HS3ST3B1: variants seen among roughly 807,000 people sequenced by gnomAD.
HS3ST3B1 encodes the protein heparan sulfate glucosamine 3-O-sulfotransferase 3B1.
A neutral mutation model predicts 21.3 loss-of-function variants in HS3ST3B1; 13 were observed. That is an observed-to-expected ratio of 0.61 (90% CI 0.40 to 0.97). The LOEUF is 0.97. Ranked by LOEUF, HS3ST3B1 falls within the 50% of genes least tolerant of loss-of-function variation. The pLI is 0.00. For missense variants in HS3ST3B1, 459 were observed against 554.8 expected, an observed-to-expected ratio of 0.83 and a Z score of 1.73; for synonymous variants, 234 against 254.8, an observed-to-expected ratio of 0.92 and a Z score of 0.78.
rs145583627 is a variant in HS3ST3B1 at position 14,339,306 on chromosome 17, C to T, written c.555-5722C>T. On this transcript the variant is annotated intron_variant, in intron 1 of 1. Coordinates refer to ENST00000360954, the MANE Select transcript of HS3ST3B1 (RefSeq NM_006041.3). ...AGAGCCTTATTGTTTCGAAATTGGA[C>T]GCCTATTTGAACAATTATGATCGGC... Among the ~76,000 whole-genome samples, 282 of 152,164 alleles carry T rather than the reference C, an allele frequency of 1.9e-3. 1 individual carries two copies. Among genetic ancestry groups the T allele is most frequent in the Non-Finnish European group, 3.0e-3 (201 of 68,004 alleles).
Position 14,302,103 on chromosome 17 carries a change from A to G in HS3ST3B1, c.554+31A>G, listed in dbSNP as rs775344239. On this transcript the variant is annotated intron_variant, in intron 1 of 1. Coordinates refer to ENST00000360954, the MANE Select transcript of HS3ST3B1 (RefSeq NM_006041.3). ...TTTCCCTGCCAGGGGCAGGGTCTCCATCGTCGATTCAGACCCTGAGCTAAG... is the reference window on the plus strand; with the variant it reads ...TTTCCCTGCCAGGGGCAGGGTCTCCGTCGTCGATTCAGACCCTGAGCTAAG... 7 of 1,565,530 alleles carry G rather than the reference A, an allele frequency of 4.5e-6. No individual in the cohort carries two copies. In the African/African-American group the frequency reaches 9.4e-5, roughly 21 times the overall value.
At chr17:14,313,128 GTGTGTGTATATATATATTT>G in intron 1 of HS3ST3B1, among the ~76,000 whole-genome samples, 2 of 54,396 alleles carry the variant, frequency 3.7e-5, no homozygotes, top group South Asian at 1.9e-3. Flanking sequence ...ATATATGTGT[GTGTGTGTATATATATATTT>G]TTAGTAGAGA....
intron 1 of HS3ST3B1, among the ~76,000 whole-genome samples, chr17:14,336,435 G>C (rs546085539): frequency 6.6e-6 from 1 of 152,254 alleles, no homozygotes; most frequent in East Asian, 1.9e-4. Context: ...GAACTGCTCT[G>C]GTTCATTTTA....
chr17:14,342,966 G>A (rs1029815542), intron 1 of HS3ST3B1, among the ~76,000 whole-genome samples: 9 of 152,088 alleles, frequency 5.9e-5, no homozygotes, highest in Non-Finnish European at 7.4e-5. Flanking sequence ...ATCAATGGCC[G>A]GGAGCAGTGG....
intron 1 of HS3ST3B1, among the ~76,000 whole-genome samples, chr17:14,331,310 A>G (rs1439815959): frequency 7.8e-6 from 1 of 127,974 alleles, no homozygotes; most frequent in Non-Finnish European, 1.7e-5. Flanking sequence ...CCCCACCCCC[A>G]GCCCCTTCCA....
At chr17:14,341,056 G>C (rs1421761528) in intron 1 of HS3ST3B1, among the ~76,000 whole-genome samples, 3 of 152,210 alleles carry the variant, frequency 2.0e-5, no homozygotes, top group Admixed American at 1.3e-4. Flanking sequence ...CCTCATATGG[G>C]TTGTGGGACC....
intron 1 of HS3ST3B1, among the ~76,000 whole-genome samples, chr17:14,319,587 A>G (rs991665548): frequency 6.6e-6 from 1 of 152,172 alleles, no homozygotes; most frequent in African/African-American, 2.4e-5. Flanking sequence ...CATTTCACAA[A>G]TATCACTGGG....
Position 14,315,027 on chromosome 17 carries a change from A to G in HS3ST3B1, c.554+12955A>G, listed in dbSNP as rs139606848. On this transcript the variant is annotated intron_variant, in intron 1 of 1. Coordinates refer to ENST00000360954, the MANE Select transcript of HS3ST3B1 (RefSeq NM_006041.3). ...ATTAAAATCAGAAATCACCTTGATG[A>G]AATCATTTTCAGTGACATGCTTCTC... 3.4e-3 allele frequency among the ~76,000 whole-genome samples: 512 copies of G among 152,300 alleles called. 6 individuals are homozygous for G. Among genetic ancestry groups the G allele is most frequent in the African/African-American group, 0.012 (482 of 41,562 alleles).
At chr17:14,340,677 G>A (rs1300372150) in intron 1 of HS3ST3B1, among the ~76,000 whole-genome samples, 1 of 152,124 alleles carries the variant, frequency 6.6e-6, no homozygotes, top group African/African-American at 2.4e-5. Flanking sequence ...CCGCCTCCCA[G>A]GTTCAAGAGA....
chr17:14,316,008 A>G (rs974641930), intron 1 of HS3ST3B1, among the ~76,000 whole-genome samples: 20 of 152,190 alleles, frequency 1.3e-4, no homozygotes, highest in African/African-American at 4.8e-4. Context: ...CATACCTTCC[A>G]GCATCCTGAG....
At chr17:14,327,170 C>T (rs980706236) in intron 1 of HS3ST3B1, among the ~76,000 whole-genome samples, 1 of 152,146 alleles carries the variant, frequency 6.6e-6, no homozygotes, top group East Asian at 1.9e-4. Flanking sequence ...AAGTTGAATT[C>T]GAGTTTCCTT....
chr17:14,334,676 T>C (rs758257638), intron 1 of HS3ST3B1, among the ~76,000 whole-genome samples: 2 of 152,200 alleles, frequency 1.3e-5, no homozygotes, highest in Admixed American at 6.5e-5. Flanking sequence ...TGGTGTTGCA[T>C]AATCTATGGG....
chr17:14,301,694 C>T lies in HS3ST3B1; in HGVS notation c.176C>T (p.Pro59Leu). ...TGCGCCGGCTCCTGCGCCGCCGCGCCGGGGCTGCTGCTCCTGGGCTCTGGG... is the reference window on the plus strand; with the variant it reads ...TGCGCCGGCTCCTGCGCCGCCGCGCTGGGGCTGCTGCTCCTGGGCTCTGGG... Reference protein sequence around the residue: ...YSCAGSCAAAPGLLLLGSGSR... With the variant: ...YSCAGSCAAALGLLLLGSGSR... Residue 59 changes from proline (P) to leucine (L), a missense_variant, in exon 1 of 2, where the codon CCG becomes CTG. This residue lies in a region of HS3ST3B1 where 317 missense variants were observed against 278.6 expected (regional missense o/e 1.14). Transcript: ENST00000360954. The T allele has an allele frequency of 6.2e-7, 1 of 1,601,120 alleles. No individual in the cohort carries two copies. The highest frequency in any genetic ancestry group is 8.5e-7 in the Non-Finnish European group (1 of 1,175,954).
chr17:14,308,112 C>G (rs931045189), intron 1 of HS3ST3B1, among the ~76,000 whole-genome samples: 4 of 152,172 alleles, frequency 2.6e-5, no homozygotes, highest in Non-Finnish European at 5.9e-5. Context: ...TTGGAACTCT[C>G]GGGTTTCTCT....
intron 1 of HS3ST3B1, among the ~76,000 whole-genome samples, chr17:14,331,600 C>T (rs937526068): frequency 2.6e-5 from 4 of 152,042 alleles, no homozygotes; most frequent in Non-Finnish European, 5.9e-5. Flanking sequence ...TTTCTTCTTT[C>T]CTACCCATTA....
intron 1 of HS3ST3B1, among the ~76,000 whole-genome samples, chr17:14,315,454 A>G (rs1202107025): frequency 3.9e-5 from 6 of 152,192 alleles, no homozygotes; most frequent in African/African-American, 9.7e-5. Flanking sequence ...TTTTGCATGT[A>G]TCTCCTCCAG....
intron 1 of HS3ST3B1, among the ~76,000 whole-genome samples, chr17:14,322,515 T>C (rs1400924718): frequency 7.2e-5 from 11 of 152,168 alleles, no homozygotes; most frequent in Admixed American, 5.9e-4. Context: ...TAAACTTATT[T>C]TTCTGTAGCA....
chr17:14,343,877 T>C (rs1184310210), intron 1 of HS3ST3B1, among the ~76,000 whole-genome samples: 1 of 149,016 alleles, frequency 6.7e-6, no homozygotes, highest in Non-Finnish European at 1.5e-5. Flanking sequence ...TTGCTGGATC[T>C]AACCTCACTT....
intron 1 of HS3ST3B1, among the ~76,000 whole-genome samples, chr17:14,312,785 C>T (rs112861945): frequency 1.2e-3 from 175 of 152,148 alleles, no homozygotes; most frequent in Middle Eastern, 6.8e-3. Flanking sequence ...GACACACCCC[C>T]ACATTTTACA....
Sources: allele counts gnomAD v4.1 joint callset (sites outside exome capture counted in the v4.1 genomes callset), GRCh38; gene constraint gnomAD v4.1.1; regional missense constraint gnomAD v4.1.1; transcripts MANE v1.5; gene names NCBI Gene and HGNC (gene_info 2026-07-23, HGNC 2026-07-21).